The following CREB3L2 variants were observed in gnomAD, a reference collection of about 807,000 sequenced individuals.
CREB3L2 encodes cyclic AMP-responsive element-binding protein 3-like protein 2.
CREB3L2 carries 23 observed loss-of-function variants against 57.2 expected under a neutral mutation model. The observed-to-expected ratio is 0.40, with a 90% CI of 0.29 to 0.57. The LOEUF (loss-of-function observed/expected upper bound fraction) is 0.57. Ranked by LOEUF, CREB3L2 falls within the 20% of genes least tolerant of loss-of-function variation. The pLI is 0.42. For missense variants in CREB3L2, 628 were observed against 634.7 expected, an observed-to-expected ratio of 0.99 and a Z score of 0.11; for synonymous variants, 268 against 265.1, an observed-to-expected ratio of 1.01 and a Z score of -0.11.
At chr7:137,928,491 G>A in intron 1 of CREB3L2, 125 bp from the exon 2 acceptor site, 1 of 703,982 alleles carries the variant, frequency 1.4e-6, no homozygotes, top group Non-Finnish European at 2.4e-6. Context: ...ACAATGTCCA[G>A]TTAGCTCGTG....
chr7:137,881,347 T>G (rs1354828834), intron 11 of CREB3L2, among the ~76,000 whole-genome samples: 1 of 152,202 alleles, frequency 6.6e-6, no homozygotes, highest in Non-Finnish European at 1.5e-5. Flanking sequence ...AGCATTGACA[T>G]GACGCTCAAA....
intron 1 of CREB3L2, chr7:137,957,980 C>T (rs1043774870): frequency 6.8e-5 from 21 of 307,580 alleles, no homozygotes; most frequent in East Asian, 6.3e-4. Flanking sequence ...CCGTCCTAGG[C>T]CTGGCCCACT....
At chr7:137,995,333 C>CTTTTTTTTTTT (rs10676214) in intron 1 of CREB3L2, among the ~76,000 whole-genome samples, 5,640 of 87,248 alleles carry the variant, frequency 0.065, 103 homozygotes, top group Non-Finnish European at 0.08. Flanking sequence ...TCTTTTCTTT[C>CTTTTTTTTTTT]TTTTTTTTTT....
chr7:137,935,239 C>CA (rs1222680645), intron 1 of CREB3L2, among the ~76,000 whole-genome samples: 1 of 152,230 alleles, frequency 6.6e-6, no homozygotes, highest in Non-Finnish European at 1.5e-5. Context: ...ATACACCTAA[C>CA]ACTTCACTGC....
chr7:137,885,599 C>G (rs1216711436), intron 8 of CREB3L2, 97 bp from the exon 9 acceptor site: 2 of 914,024 alleles, frequency 2.2e-6, no homozygotes, highest in Non-Finnish European at 3.5e-6. Flanking sequence ...TGCCTTTGTG[C>G]CTGCATTTCA....
At chr7:137,995,628 C>T (rs1321476081) in intron 1 of CREB3L2, among the ~76,000 whole-genome samples, 2 of 152,168 alleles carry the variant, frequency 1.3e-5, no homozygotes, top group South Asian at 2.1e-4. Context: ...CCACCGCGCC[C>T]GGCCAGGGGC....
chr7:137,922,398 A>ACATATATATATATG, intron 2 of CREB3L2, among the ~76,000 whole-genome samples: 1 of 18,844 alleles, frequency 5.3e-5, no homozygotes, highest in Admixed American at 8.1e-4. Flanking sequence ...ATATATATAT[A>ACATATATATATATG]TATATATATA....
intron 1 of CREB3L2, among the ~76,000 whole-genome samples, chr7:137,970,505 G>A (rs111406126): frequency 6.8e-6 from 1 of 146,450 alleles, no homozygotes; most frequent in Non-Finnish European, 1.5e-5. Flanking sequence ...CTAACTTTAC[G>A]TTCAGGGTGA....
rs1799275695 is a variant in CREB3L2, at chr7:137,880,669, A to G, written c.1488-118T>C. 5 of 778,886 alleles carry G rather than the reference A, an allele frequency of 6.4e-6. No homozygotes were observed. Among genetic ancestry groups the G allele is most frequent in the Non-Finnish European group, 8.9e-6 (4 of 448,180 alleles). 48.2% of individuals were successfully genotyped at this position (778,886 alleles called of 1,614,324 possible). A position where few individuals can be genotyped will look rare whatever the true frequency, so the allele number is the denominator to read the frequency against. ...TGCAACTTGGTGAGACGGCCTGGGCATGTTTCTTGTCCTTTTCTCTCCTAG... is the reference window on the plus strand; with the variant it reads ...TGCAACTTGGTGAGACGGCCTGGGCGTGTTTCTTGTCCTTTTCTCTCCTAG... On this transcript the variant is annotated intron_variant, in intron 11 of 11. Transcript: ENST00000330387. This position sits in a 1 kb window ranked among gnomAD's most constrained non-coding sequence, Gnocchi z 4.0.
chr7:137,892,459 T>C (rs273934), intron 8 of CREB3L2, among the ~76,000 whole-genome samples: 78,229 of 151,764 alleles, frequency 0.52, 22,791 homozygotes, highest in Non-Finnish European at 0.66. Context: ...GAGACCAGCC[T>C]GGCCAACATG....
At chr7:137,928,567 C>T (rs1800535658) in intron 1 of CREB3L2, among the ~76,000 whole-genome samples, 1 of 152,132 alleles carries the variant, frequency 6.6e-6, no homozygotes, top group African/African-American at 2.4e-5. Context: ...TATTACTTCT[C>T]CCTCCTCCGT....
At chr7:137,892,282 A>G (rs273933) in intron 8 of CREB3L2, among the ~76,000 whole-genome samples, 110,390 of 151,498 alleles carry the variant, frequency 0.73, 40,443 homozygotes, top group African/African-American at 0.79. Flanking sequence ...CATTTACACT[A>G]CATAAAATGT....
intron 1 of CREB3L2, among the ~76,000 whole-genome samples, chr7:137,971,437 G>A (rs979505055): frequency 5.5e-5 from 8 of 146,022 alleles, no homozygotes; most frequent in Non-Finnish European, 7.5e-5. Context: ...GCATCAGAGC[G>A]AGACTCCGTC....
At chr7:137,896,341 G>A (rs1331224085) in intron 8 of CREB3L2, among the ~76,000 whole-genome samples, 3 of 152,160 alleles carry the variant, frequency 2.0e-5, no homozygotes, top group Admixed American at 6.6e-5. Context: ...TCCTCTTGTT[G>A]CCCAGGTTAG....
In CREB3L2 at chr7:137,880,574, A is replaced by C; in HGVS notation, c.1488-23T>G. On this transcript the variant is annotated intron_variant, in intron 11 of 11. Transcript: ENST00000330387. This position sits in a 1 kb window ranked among gnomAD's most constrained non-coding sequence, Gnocchi z 4.0. The stretch of plus-strand genomic sequence containing the variant: ...ACCCTGTGAAGGCATTAAAAGGAAA[A>C]CGAAGTATTAGTCACCAGCTGTTAG... The C allele has an allele frequency of 6.3e-7, 1 of 1,576,198 alleles. No individual in the cohort carries two copies. The highest frequency in any genetic ancestry group is 8.7e-7 in the Non-Finnish European group (1 of 1,145,944).
chr7:137,884,886 C>T (rs772357320), intron 10 of CREB3L2, 109 bp downstream of exon 10: 299 of 1,489,168 alleles, frequency 2.0e-4, no homozygotes, highest in Non-Finnish European at 2.6e-4. Flanking sequence ...CCACTTTTAC[C>T]ACTTTTTAAA....
intron 1 of CREB3L2, among the ~76,000 whole-genome samples, chr7:137,933,104 G>A (rs1010916824): frequency 6.6e-6 from 1 of 152,330 alleles, no homozygotes; most frequent in Middle Eastern, 3.4e-3. Flanking sequence ...TGCTTAAGTA[G>A]CTCCCCAAGG....
At chr7:138,000,895 G>A (rs941084243) in intron 1 of CREB3L2, among the ~76,000 whole-genome samples, 1 of 152,168 alleles carries the variant, frequency 6.6e-6, no homozygotes, top group African/African-American at 2.4e-5. Context: ...ATTAGTATAA[G>A]ACTGAACAAG....
intron 2 of CREB3L2, among the ~76,000 whole-genome samples, chr7:137,916,562 T>A (rs1048826251): frequency 6.6e-5 from 10 of 151,686 alleles, no homozygotes; most frequent in African/African-American, 9.7e-5. Flanking sequence ...CAAAAAAAAA[T>A]TTTTAACTAG....
Sources: gnomAD v4.1 joint callset for allele counts (sites outside exome capture counted in the v4.1 genomes callset) on GRCh38, gnomAD v4.1.1 for gene constraint, Gnocchi (gnomAD v3.1) non-coding constraint, MANE v1.5 for transcripts, NCBI Gene and HGNC (gene_info 2026-07-23, HGNC 2026-07-21) for gene names.